Variants in CLCN1 observed in about 807,000 individuals in gnomAD.
CLCN1 encodes chloride voltage-gated channel 1.
Under a neutral mutation model 114.5 loss-of-function variants are expected in CLCN1, and 100 were observed. The ratio of observed to expected loss-of-function variants is 0.87; its 90% confidence interval spans 0.74 to 1.03. The LOEUF is 1.03. Ranked by LOEUF, CLCN1 falls within the 50% of genes least tolerant of loss-of-function variation. The pLI, the probability that CLCN1 is intolerant of heterozygous loss-of-function variation, is 0.00. For synonymous variants in CLCN1, 485 were observed against 487.1 expected, an observed-to-expected ratio of 1.00 and a Z score of 0.06; for missense variants, 1,188 against 1,250.0, an observed-to-expected ratio of 0.95 and a Z score of 0.75.
At chr7:143,349,254 A>G (rs1357651527) in intron 20 of CLCN1, among the ~76,000 whole-genome samples, 3 of 152,188 alleles carry the variant, frequency 2.0e-5, no homozygotes, top group African/African-American at 7.2e-5. Context: ...ATCCTATGCT[A>G]TGTAACCTCT....
intron 7 of CLCN1, among the ~76,000 whole-genome samples, chr7:143,328,317 G>A (rs1802628841): frequency 6.6e-6 from 1 of 152,182 alleles, no homozygotes; most frequent in Non-Finnish European, 1.5e-5. Context: ...CAAAGGCTGG[G>A]GTTGGGCAGA....
At chr7:143,343,705 C>CCTTTCTTT (rs113028192) in intron 16 of CLCN1, among the ~76,000 whole-genome samples, 36,518 of 151,376 alleles carry the variant, frequency 0.24, 4,946 homozygotes, top group African/African-American at 0.37. Flanking sequence ...TTTCTTCCTT[C>CCTTTCTTT]CTTTCTTTCT....
At chr7:143,344,827 T>G (rs1304806311) in intron 16 of CLCN1, among the ~76,000 whole-genome samples, 1 of 150,314 alleles carries the variant, frequency 6.7e-6, no homozygotes, top group Non-Finnish European at 1.5e-5. Context: ...CTCAGCTCAC[T>G]GCAACCTCTG....
chr7:143,339,661 T>C lies in CLCN1; in HGVS notation c.1582+40T>C. 8.2e-7 allele frequency: 1 copy of C among 1,221,146 alleles called. No individual in the cohort carries two copies. Among genetic ancestry groups the C allele is most frequent in the Non-Finnish European group, 1.2e-6 (1 of 821,534 alleles). The allele number at this position is 1,221,146 out of a possible 1,614,324, so 75.6% of individuals were successfully genotyped here. A position where few individuals can be genotyped will look rare whatever the true frequency, so the allele number is the denominator to read the frequency against. On this transcript the variant is annotated intron_variant, in intron 14 of 22. Transcript: ENST00000343257. The surrounding 1 kb of genome is among the most constrained non-coding windows in gnomAD (Gnocchi z 4.1). Reference sequence around the variant, plus strand: ...CACTTCCCTGTAATCAAACATTGAGTACTTCAGATCCCCACACTTAAACTC... The same window carrying C: ...CACTTCCCTGTAATCAAACATTGAGCACTTCAGATCCCCACACTTAAACTC...
At chr7:143,345,965 A>AAAG (rs1005640067) in intron 17 of CLCN1, among the ~76,000 whole-genome samples, 175 bp from the exon 18 acceptor site, 3 of 152,174 alleles carry the variant, frequency 2.0e-5, no homozygotes, top group African/African-American at 7.2e-5. Context: ...TCCAGGGACT[A>AAAG]AAGAAGATAA....
chr7:143,340,293 A>G (rs1803043132), intron 14 of CLCN1, among the ~76,000 whole-genome samples: 1 of 152,174 alleles, frequency 6.6e-6, no homozygotes, highest in Non-Finnish European at 1.5e-5. Context: ...TCTTTCTAAA[A>G]GCCTCTTTCA....
intron 20 of CLCN1, among the ~76,000 whole-genome samples, chr7:143,349,196 G>A (rs781710932): frequency 9.9e-5 from 15 of 152,192 alleles, no homozygotes; most frequent in Non-Finnish European, 1.6e-4. Flanking sequence ...TCTAGCCCCC[G>A]TCCTATACCT....
intron 6 of CLCN1, 131 bp downstream of exon 6, chr7:143,323,517 G>A (rs750743479): frequency 1.2e-5 from 9 of 752,838 alleles, no homozygotes; most frequent in South Asian, 5.7e-5. Context: ...ACTAATCCAC[G>A]CTCCCTTCCT....
At position 143,323,300 on chromosome 7, in the gene CLCN1, C is replaced by A. The variant is rs201207110; in HGVS notation, c.697-9C>A. ...TCTGACCCCCGCCCCCTCGCTCCCC[C>A]TCTCCCAGGGCCCCTTCGTCCACAT... On this transcript the variant is annotated splice_polypyrimidine_tract_variant and intron_variant, in intron 5 of 22. Transcript: ENST00000343257. The A allele has an allele frequency of 3.1e-6, 5 of 1,599,010 alleles. No homozygotes were observed. The highest frequency in any genetic ancestry group is 1.7e-5 in the Admixed American group (1 of 59,982).
Position 143,350,477 on chromosome 7 carries a change from G to A in CLCN1, c.2508+1G>A. The A allele has an allele frequency of 6.2e-7, 1 of 1,613,250 alleles. No individual in the cohort carries two copies. Among genetic ancestry groups the A allele is most frequent in the Non-Finnish European group, 8.5e-7 (1 of 1,179,162 alleles). ...GGTGGAGCAGACAACCCTGCACAAG[G>A]TGAGTCTTTTGCTGACTGCTCAGGG... On this transcript the variant is annotated splice_donor_variant, in intron 21 of 22. Coordinates refer to ENST00000343257, the MANE Select transcript of CLCN1 (RefSeq NM_000083.3). LOFTEE classifies it high-confidence loss of function. This position sits in a 1 kb window ranked among gnomAD's most constrained non-coding sequence, Gnocchi z 5.1.
At chr7:143,319,960 A>C in intron 2 of CLCN1, 85 bp downstream of exon 2, 1 of 1,394,660 alleles carries the variant, frequency 7.2e-7, no homozygotes, top group Non-Finnish European at 1.0e-6. Flanking sequence ...CATTGCACGT[A>C]CGTACTCCCT....
intron 16 of CLCN1, among the ~76,000 whole-genome samples, chr7:143,343,310 G>A (rs1453970589): frequency 6.6e-6 from 1 of 152,142 alleles, no homozygotes; most frequent in Admixed American, 6.5e-5. Flanking sequence ...GTCATTTTTA[G>A]CAGCAAAATC....
At chr7:143,325,549 T>G (rs1258779415) in intron 7 of CLCN1, among the ~76,000 whole-genome samples, 3 of 152,208 alleles carry the variant, frequency 2.0e-5, no homozygotes, top group Non-Finnish European at 2.9e-5. Context: ...CACTAATCCT[T>G]GTCAGTGGAG....
In CLCN1 at chr7:143,350,773, T is replaced by C. The variant is rs1440373135; in HGVS notation, c.2595+119T>C. On this transcript the variant is annotated intron_variant, in intron 22 of 22. Coordinates refer to ENST00000343257, the MANE Select transcript of CLCN1 (RefSeq NM_000083.3). This position sits in a 1 kb window ranked among gnomAD's most constrained non-coding sequence, Gnocchi z 5.1. ...AAGTCCCCTCAGATTCCCTTCTCTA[T>C]TTCTTTCTTTTTTTTTTTTTTGAGA... 1 of 729,478 alleles carries C rather than the reference T, an allele frequency of 1.4e-6. No homozygotes were observed. The highest frequency in any genetic ancestry group is 2.4e-5 in the Admixed American group (1 of 40,860). 45.2% of individuals were successfully genotyped at this position (729,478 alleles called of 1,614,324 possible).
Position 143,345,772 on chromosome 7 carries a change from C to T in CLCN1, c.2172+10C>T. ...CTCTGGCAAGAGCGAGGTGACCGCG[C>T]CGGGAAGGGCTAGGGAGTGGGATAG... On this transcript the variant is annotated intron_variant, in intron 17 of 22. Transcript: ENST00000343257. 6.2e-7 allele frequency: 1 copy of T among 1,607,286 alleles called. No individual in the cohort carries two copies. The highest frequency in any genetic ancestry group is 8.5e-7 in the Non-Finnish European group (1 of 1,177,674).
rs1197530607 is a variant in CLCN1 at position 143,327,838 on chromosome 7, A to T, written c.854-2934A>T. Among the ~76,000 whole-genome samples, 5 of 152,040 alleles carry T rather than the reference A, an allele frequency of 3.3e-5. No individual in the cohort carries two copies. In the East Asian group the frequency reaches 7.7e-4, roughly 23 times the overall value. On this transcript the variant is annotated intron_variant, in intron 7 of 22. Transcript: ENST00000343257. ...CTGGCTAATTTTTGTATTTTTTAGT[A>T]GAAGTGAGGTTTTTCCATGTTGGCC...
chr7:143,321,558 C>T lies in CLCN1; in HGVS notation c.562+65C>T. The stretch of plus-strand genomic sequence containing the variant: ...CTGAGAGGGGCCCTGTCTGTCTCCC[C>T]CATCATCCAGCCCCACCCACAGCCC... On this transcript the variant is annotated intron_variant, in intron 4 of 22. Coordinates refer to ENST00000343257, the MANE Select transcript of CLCN1 (RefSeq NM_000083.3). This position sits in a 1 kb window ranked among gnomAD's most constrained non-coding sequence, Gnocchi z 4.2. The T allele has an allele frequency of 6.2e-7, 1 of 1,612,062 alleles. No homozygotes were observed. Among genetic ancestry groups the T allele is most frequent in the Non-Finnish European group, 8.5e-7 (1 of 1,179,078 alleles).
chr7:143,346,487 C>T (rs564102782), intron 18 of CLCN1, 92 bp from the exon 19 acceptor site: 1 of 951,236 alleles, frequency 1.1e-6, no homozygotes, highest in African/African-American at 1.6e-5. Context: ...GGAAGTGCAG[C>T]TCTTTGGAGG....
Position 143,316,167 on chromosome 7 carries a change from A to G in CLCN1, c.-46A>G, listed in dbSNP as rs767426531. The stretch of plus-strand genomic sequence containing the variant: ...TAAGGAGCTACACTGGGGGAAGGAC[A>G]GGGGCAAGCAGGCCAAGGCCTGGCC... On this transcript the variant is annotated 5_prime_UTR_variant, in exon 1 of 23. Coordinates refer to ENST00000343257, the MANE Select transcript of CLCN1 (RefSeq NM_000083.3). 1 of 1,505,838 alleles carries G rather than the reference A, an allele frequency of 6.6e-7. No individual in the cohort carries two copies. The highest frequency in any genetic ancestry group is 1.1e-5 in the South Asian group (1 of 89,170). 93.3% of individuals were successfully genotyped at this position (1,505,838 alleles called of 1,614,324 possible). A position where few individuals can be genotyped will look rare whatever the true frequency, so the allele number is the denominator to read the frequency against.
Sources: allele counts gnomAD v4.1 joint callset (sites outside exome capture counted in the v4.1 genomes callset), GRCh38; gene constraint gnomAD v4.1.1; non-coding constraint Gnocchi (gnomAD v3.1); transcripts MANE v1.5; gene names NCBI Gene and HGNC (gene_info 2026-07-23, HGNC 2026-07-21).